DOCK1: variants seen among roughly 807,000 people sequenced by gnomAD.
DOCK1 encodes dedicator of cytokinesis protein 1.
DOCK1 carries 138 observed loss-of-function variants against 262.7 expected under a neutral mutation model. The ratio of observed to expected loss-of-function variants is 0.53; its 90% CI spans 0.46 to 0.61. The LOEUF (loss-of-function observed/expected upper bound fraction) is 0.61. Among genes scored for constraint, DOCK1 ranks in the 20% least tolerant of loss-of-function variants. The pLI, the probability that DOCK1 is intolerant of heterozygous loss-of-function variation, is 0.00. For missense variants in DOCK1, 1,908 were observed against 2,370.7 expected (o/e 0.80, Z 4.05); for synonymous variants, 866 against 867.4 (o/e 1.00, Z 0.03).
intron 1 of DOCK1, among the ~76,000 whole-genome samples, chr10:126,933,815 A>G: frequency 6.6e-6 from 1 of 152,168 alleles, no homozygotes. Context: ...ATTTGAAGCT[A>G]TTTTAATCTT....
At chr10:127,338,528 C>G (rs944742633) in intron 29 of DOCK1, among the ~76,000 whole-genome samples, 2 of 152,144 alleles carry the variant, frequency 1.3e-5, no homozygotes, top group African/African-American at 4.8e-5. Flanking sequence ...GCCAATGATA[C>G]TGAAGTCGTA....
chr10:127,377,419 A>G (rs1028565605), intron 35 of DOCK1, among the ~76,000 whole-genome samples: 3 of 152,204 alleles, frequency 2.0e-5, no homozygotes, highest in Non-Finnish European at 2.9e-5. Flanking sequence ...AGTCACTAAG[A>G]AGAAATGAAG....
At chr10:126,917,909 A>G (rs796400833) in intron 1 of DOCK1, among the ~76,000 whole-genome samples, 20 of 152,324 alleles carry the variant, frequency 1.3e-4, no homozygotes, top group African/African-American at 4.3e-4. Context: ...TTCCTTAGGC[A>G]GAACCCCTAA....
rs548839449 is a variant in DOCK1 at position 127,142,262 on chromosome 10, G to A, written c.2847+14498G>A. On this transcript the variant is annotated intron_variant, in intron 27 of 51. Transcript: ENST00000623213. ...CTACAGCCACACGGGCACGTGGGAAGCCGGGGCTCCAAACCTTGTTGTGGT... is the reference window on the plus strand; with the variant it reads ...CTACAGCCACACGGGCACGTGGGAAACCGGGGCTCCAAACCTTGTTGTGGT... 8.9e-4 allele frequency among the ~76,000 whole-genome samples: 135 copies of A among 152,334 alleles called. 1 individual carries two copies. Among genetic ancestry groups the A allele is most frequent in the African/African-American group, 3.0e-3 (125 of 41,576 alleles).
At chr10:126,915,209 A>G (rs2134046415) in intron 1 of DOCK1, among the ~76,000 whole-genome samples, 1 of 152,320 alleles carries the variant, frequency 6.6e-6, no homozygotes, top group South Asian at 2.1e-4. Flanking sequence ...GGCGTTGAGC[A>G]TAGAGGTTGT....
intron 31 of DOCK1, among the ~76,000 whole-genome samples, chr10:127,354,337 C>T (rs1039834854): frequency 1.3e-5 from 2 of 152,156 alleles, no homozygotes; most frequent in Admixed American, 6.5e-5. Flanking sequence ...AGTGCCTAGA[C>T]GCTAACGACA....
chr10:127,104,624 A>G (rs1335741248), intron 23 of DOCK1, among the ~76,000 whole-genome samples: 1 of 152,172 alleles, frequency 6.6e-6, no homozygotes, highest in Non-Finnish European at 1.5e-5. Context: ...CCAGTGTTCA[A>G]AGTGTTACCC....
intron 29 of DOCK1, among the ~76,000 whole-genome samples, chr10:127,330,289 C>T (rs2135655193): frequency 6.6e-6 from 1 of 152,244 alleles, no homozygotes; most frequent in Admixed American, 6.5e-5. Context: ...ACAGGCACAC[C>T]TACTCAGCAC....
intron 27 of DOCK1, among the ~76,000 whole-genome samples, chr10:127,202,902 A>T (rs973677856): frequency 3.3e-5 from 5 of 152,170 alleles, no homozygotes; most frequent in Admixed American, 1.3e-4. Context: ...CTGACCAAAA[A>T]TGCCAACTGC....
At chr10:127,314,838 C>G (rs1229604297) in intron 29 of DOCK1, among the ~76,000 whole-genome samples, 3 of 152,196 alleles carry the variant, frequency 2.0e-5, no homozygotes, top group Non-Finnish European at 4.4e-5. Flanking sequence ...GGGGCTGAGA[C>G]CATCTGAAGC....
chr10:127,138,786 GTGTTAAAGATGA>G (rs1393010226), intron 27 of DOCK1, among the ~76,000 whole-genome samples: 2 of 152,188 alleles, frequency 1.3e-5, no homozygotes, highest in Admixed American at 1.3e-4. Flanking sequence ...TTAGAAGATG[GTGTTAAAGATGA>G]TTTTTGAACT....
At chr10:127,362,297 T>A (rs1257756090) in intron 33 of DOCK1, 85 bp downstream of exon 33, 2 of 1,444,818 alleles carry the variant, frequency 1.4e-6, no homozygotes, top group African/African-American at 1.4e-5. Flanking sequence ...TAGACAGTTC[T>A]AGAGTTAAAG....
chr10:127,382,519 T>G (rs980474533), intron 37 of DOCK1, among the ~76,000 whole-genome samples: 6 of 152,190 alleles, frequency 3.9e-5, no homozygotes, highest in Admixed American at 1.3e-4. Flanking sequence ...AGGCTGGCTG[T>G]CTGAGGACCC....
chr10:127,032,889 T>G (rs1226212494), intron 18 of DOCK1, among the ~76,000 whole-genome samples: 1 of 152,138 alleles, frequency 6.6e-6, no homozygotes, highest in Admixed American at 6.5e-5. Flanking sequence ...AAGCAATGGA[T>G]TTACTTCTTA....
At chr10:127,190,794 G>C (rs1486676460) in intron 27 of DOCK1, among the ~76,000 whole-genome samples, 1 of 150,338 alleles carries the variant, frequency 6.7e-6, no homozygotes, top group Non-Finnish European at 1.5e-5. Context: ...ACAAAGACTT[G>C]TCTGCCAGAA....
At chr10:127,036,996 A>AG (rs199705952) in intron 18 of DOCK1, among the ~76,000 whole-genome samples, 6,633 of 150,790 alleles carry the variant, frequency 0.044, 219 homozygotes, top group Non-Finnish European at 0.068. Context: ...AAAAAAAAAA[A>AG]AGAAAAAGAA....
At position 126,932,324 on chromosome 10, in the gene DOCK1, GA is replaced by G. The variant is rs1399613775; in HGVS notation, c.46+26762del. Among the ~76,000 whole-genome samples, 3 of 152,326 alleles carry G rather than the reference GA, an allele frequency of 2.0e-5. No homozygotes were observed. The East Asian group carries it at 5.8e-4, about 29-fold the overall frequency. Reference sequence around the variant, plus strand: ...CCGAAGGCTGAGGCAGGACGATTATGAGTTCAAGCCCAGCCTGAGCAAAATA... The same window carrying G: ...CCGAAGGCTGAGGCAGGACGATTATGGTTCAAGCCCAGCCTGAGCAAAATA... On this transcript the variant is annotated intron_variant, in intron 1 of 51. Transcript: ENST00000623213.
chr10:127,217,144 T>C (rs578159488), intron 27 of DOCK1, among the ~76,000 whole-genome samples: 1 of 152,322 alleles, frequency 6.6e-6, no homozygotes, highest in Non-Finnish European at 1.5e-5. Context: ...CTCAGGACAT[T>C]AGAGCTAGAA....
At chr10:127,213,167 G>T (rs1019875291) in intron 27 of DOCK1, among the ~76,000 whole-genome samples, 1 of 152,158 alleles carries the variant, frequency 6.6e-6, no homozygotes, top group Non-Finnish European at 1.5e-5. Context: ...ATTTCAAAAA[G>T]CTCAGAATAT....
Sources: gnomAD v4.1 joint callset for allele counts (sites outside exome capture counted in the v4.1 genomes callset) on GRCh38, gnomAD v4.1.1 for gene constraint, MANE v1.5 for transcripts, NCBI Gene and HGNC (gene_info 2026-07-23, HGNC 2026-07-21) for gene names.